The following TCEANC2 variants were observed in gnomAD, a reference collection of about 807,000 sequenced individuals.
TCEANC2 encodes the protein transcription elongation factor A N-terminal and central domain containing 2, also known as transcription elongation factor A N-terminal and central domain-containing protein 2.
TCEANC2 carries 20 observed loss-of-function variants against 22.8 expected under a neutral mutation model. The ratio of observed to expected loss-of-function variants is 0.88; its 90% CI spans 0.62 to 1.28. The LOEUF (loss-of-function observed/expected upper bound fraction) is 1.28, where lower values mean the gene tolerates loss of function less well. TCEANC2 is among the 50% of genes most tolerant of loss of function. The pLI is 0.00. For synonymous variants in TCEANC2, 84 were observed against 95.5 expected (o/e 0.88, Z 0.70); for missense variants, 251 against 249.7 (o/e 1.01, Z -0.03).
In TCEANC2 at chr1:54,102,661, A is replaced by G. The variant is rs1336788694; in HGVS notation, c.*6188A>G. On this transcript the variant is annotated 3_prime_UTR_variant, in exon 5 of 5. Coordinates refer to ENST00000234827, the MANE Select transcript of TCEANC2 (RefSeq NM_153035.3). ...CTATGTCATCCACTACCTTTGCACC[A>G]GTACCTGCCTGTTCCTCATTTCACA... 2 of 152,426 alleles carry G rather than the reference A, an allele frequency of 1.3e-5. No homozygotes were observed. The highest frequency in any genetic ancestry group is 3.9e-4 in the East Asian group (2 of 5,188). The allele number at this position is 152,426 out of a possible 1,614,324, so 9.4% of individuals were successfully genotyped here. A position where few individuals can be genotyped will look rare whatever the true frequency, so the allele number is the denominator to read the frequency against.
At chr1:54,058,890 C>T (rs1263662485) in intron 2 of TCEANC2, among the ~76,000 whole-genome samples, 9 of 152,134 alleles carry the variant, frequency 5.9e-5, no homozygotes, top group Non-Finnish European at 1.2e-4. Context: ...CTCCTGACCT[C>T]GTGATCCTCC....
chr1:54,095,248 G>A (rs1658522489), intron 4 of TCEANC2, among the ~76,000 whole-genome samples: 1 of 152,210 alleles, frequency 6.6e-6, no homozygotes, highest in African/African-American at 2.4e-5. Flanking sequence ...TTGCACTGGG[G>A]TCTTTTTGTT....
intron 2 of TCEANC2, among the ~76,000 whole-genome samples, chr1:54,064,188 A>T (rs538280247): frequency 6.6e-6 from 1 of 152,354 alleles, no homozygotes; most frequent in South Asian, 2.1e-4. Flanking sequence ...GACAGATGTA[A>T]GTAATAGAAT....
Position 54,096,853 on chromosome 1 carries a change from AACTC to A in TCEANC2, c.*382_*385del. 1.0e-6 allele frequency: 1 copy of A among 995,380 alleles called. No homozygotes were observed. Among genetic ancestry groups the A allele is most frequent in the South Asian group, 4.6e-5 (1 of 21,676 alleles). 61.7% of individuals were successfully genotyped at this position (995,380 alleles called of 1,614,324 possible). ...ATTTCACCACCCTGCAGGTAACTGA[AACTC>A]AATTACCGCTGCCGCTCACTCGGTT... On this transcript the variant is annotated 3_prime_UTR_variant, in exon 5 of 5. Transcript: ENST00000234827. The surrounding 1 kb of genome is among the most constrained non-coding windows in gnomAD (Gnocchi z 4.9).
intron 4 of TCEANC2, among the ~76,000 whole-genome samples, chr1:54,089,299 T>C (rs1658398287): frequency 1.3e-5 from 2 of 152,338 alleles, no homozygotes; most frequent in Admixed American, 6.5e-5. Flanking sequence ...GACTGTGTTA[T>C]GGAATATCAA....
At chr1:54,060,404 CA>C (rs1204211675) in intron 2 of TCEANC2, among the ~76,000 whole-genome samples, 2,526 of 127,168 alleles carry the variant, frequency 0.02, 21 homozygotes, top group Middle Eastern at 0.068. Context: ...GACTCCATCT[CA>C]AAAAAAAAAA....
chr1:54,054,508 C>T lies in TCEANC2; in HGVS notation c.86C>T (p.Thr29Met). ...GGAGGAAAGGTTTACAAGCAGGCCA[C>T]GATTGAATCTCTGAAGGTGAGAGGG... ...DSGGKVYKQA[T>M]IESLKRVVVV... The change falls in exon 2 of 5, where the codon ACG becomes ATG. Residue 29 changes from threonine (T) to methionine (M), a missense_variant. Physicochemically the swap from Thr to Met is moderately conservative, Grantham distance 81 (BLOSUM62 -1). Coordinates refer to ENST00000234827, the MANE Select transcript of TCEANC2 (RefSeq NM_153035.3). The T allele has an allele frequency of 1.9e-6, 3 of 1,612,990 alleles. No individual in the cohort carries two copies. Among genetic ancestry groups the T allele is most frequent in the Non-Finnish European group, 2.5e-6 (3 of 1,179,536 alleles).
rs768417154 is a variant in TCEANC2 at position 54,054,534 on chromosome 1, G to T, written c.102+10G>T. On this transcript the variant is annotated intron_variant, in intron 2 of 4. Coordinates refer to ENST00000234827, the MANE Select transcript of TCEANC2 (RefSeq NM_153035.3). ...GATTGAATCTCTGAAGGTGAGAGGG[G>T]ATCTGGGGCTAGAGGAAATGTGCAA... 2 of 1,609,232 alleles carry T rather than the reference G, an allele frequency of 1.2e-6. No homozygotes were observed. The highest frequency in any genetic ancestry group is 1.1e-5 in the South Asian group (1 of 90,432).
At chr1:54,106,178 G>T (rs2100397954), downstream of TCEANC2, 1 of 152,284 alleles carries the variant, frequency 6.6e-6, no homozygotes, top group Middle Eastern at 3.4e-3. Flanking sequence ...CATGTACAAA[G>T]ATTTTAATTG....
chr1:54,060,083 G>T (rs1657822422), intron 2 of TCEANC2, among the ~76,000 whole-genome samples: 1 of 152,062 alleles, frequency 6.6e-6, no homozygotes, highest in Non-Finnish European at 1.5e-5. Flanking sequence ...ACTACATGGT[G>T]AGGCTACATG....
chr1:54,071,078 G>A (rs752917293), intron 3 of TCEANC2, among the ~76,000 whole-genome samples: 26 of 152,158 alleles, frequency 1.7e-4, no homozygotes, highest in African/African-American at 3.4e-4. Flanking sequence ...GTAGTTTGGC[G>A]TGTTAGAAAT....
chr1:54,065,543 C>A (rs548476497), intron 2 of TCEANC2, among the ~76,000 whole-genome samples: 16 of 152,056 alleles, frequency 1.1e-4, no homozygotes, highest in African/African-American at 3.9e-4. Flanking sequence ...CATAGTGAGA[C>A]CCCACATCTA....
At chr1:54,088,837 T>G (rs1658390108) in intron 4 of TCEANC2, 47 bp downstream of exon 4, 1 of 1,370,184 alleles carries the variant, frequency 7.3e-7, no homozygotes, top group Non-Finnish European at 9.7e-7. Context: ...TAATAATTAA[T>G]TTTTAAAAGA....
chr1:54,068,389 T>C (rs1342386194), intron 2 of TCEANC2, among the ~76,000 whole-genome samples: 1 of 152,232 alleles, frequency 6.6e-6, no homozygotes, highest in Non-Finnish European at 1.5e-5. Context: ...GTCTATGACT[T>C]CCCTGCTCGC....
intron 3 of TCEANC2, among the ~76,000 whole-genome samples, chr1:54,074,707 C>T (rs780785054): frequency 3.9e-5 from 6 of 152,138 alleles, no homozygotes; most frequent in Non-Finnish European, 7.4e-5. Context: ...AAATAAGATA[C>T]ATCTAAAAAT....
chr1:54,065,817 A>C (rs1324829062), intron 2 of TCEANC2, among the ~76,000 whole-genome samples: 1 of 152,130 alleles, frequency 6.6e-6, no homozygotes, highest in Non-Finnish European at 1.5e-5. Context: ...AGTGGCTCAC[A>C]CTTGTAATCC....
chr1:54,058,232 A>C (rs2100352868), intron 2 of TCEANC2, among the ~76,000 whole-genome samples: 1 of 152,190 alleles, frequency 6.6e-6, no homozygotes, highest in Admixed American at 6.5e-5. Context: ...AATCCTATTC[A>C]TCTCCCATGA....
intron 3 of TCEANC2, among the ~76,000 whole-genome samples, chr1:54,087,282 C>T (rs1320777745): frequency 5.3e-5 from 8 of 151,284 alleles, no homozygotes. Context: ...TATTTTTGAC[C>T]CTTCACCTTT....
chr1:54,102,154 C>T lies in TCEANC2; in HGVS notation c.*5681C>T, dbSNP rs1055054049. 6.6e-6 allele frequency: 1 copy of T among 152,212 alleles called. No homozygotes were observed. Among genetic ancestry groups the T allele is most frequent in the African/African-American group, 2.4e-5 (1 of 41,438 alleles). The allele number at this position is 152,212 out of a possible 1,614,324, so 9.4% of individuals were successfully genotyped here. A position where few individuals can be genotyped will look rare whatever the true frequency, so the allele number is the denominator to read the frequency against. The stretch of plus-strand genomic sequence containing the variant: ...TGCTCCATCCATGTACCGGATGACA[C>T]AGAAAGTTGTGTTTTGATTGGGGCC... On this transcript the variant is annotated 3_prime_UTR_variant, in exon 5 of 5. Coordinates refer to ENST00000234827, the MANE Select transcript of TCEANC2 (RefSeq NM_153035.3).
Sources: allele counts gnomAD v4.1 joint callset (sites outside exome capture counted in the v4.1 genomes callset), GRCh38; gene constraint gnomAD v4.1.1; non-coding constraint Gnocchi (gnomAD v3.1); transcripts MANE v1.5; gene names NCBI Gene and HGNC (gene_info 2026-07-23, HGNC 2026-07-21).